Variants in CCNY observed in about 807,000 individuals in gnomAD.
CCNY encodes cyclin Y, also known as cyclin-Y.
In CCNY, 19 loss-of-function variants were observed where a neutral mutation model predicts 42.8. The ratio of observed to expected loss-of-function variants is 0.44; its 90% CI spans 0.31 to 0.65. The LOEUF (loss-of-function observed/expected upper bound fraction) is 0.65. Ranked by LOEUF, CCNY falls within the 30% of genes least tolerant of loss-of-function variation. The pLI is 0.07. For missense variants in CCNY, 370 were observed against 437.3 expected (o/e 0.85, Z 1.37); for synonymous variants, 165 against 162.7 (o/e 1.01, Z -0.11).
chr10:35,371,183 G>A (rs535426185), intron 1 of CCNY, among the ~76,000 whole-genome samples: 3 of 152,152 alleles, frequency 2.0e-5, no homozygotes, highest in Admixed American at 6.5e-5. Flanking sequence ...TAGTACCACC[G>A]CCCAGCCCAG....
intron 1 of CCNY, among the ~76,000 whole-genome samples, chr10:35,383,238 T>G (rs528580977): frequency 1.8e-4 from 28 of 152,278 alleles, no homozygotes; most frequent in African/African-American, 5.5e-4. Context: ...ATAATGACGT[T>G]GAATCAATAT....
chr10:35,306,280 C>G (rs1246216195), intron 3 of CCNY, among the ~76,000 whole-genome samples: 1 of 152,218 alleles, frequency 6.6e-6, no homozygotes, highest in Non-Finnish European at 1.5e-5. Context: ...AGTGATCCAC[C>G]TGCCTCAGCC....
chr10:35,294,828 A>C (rs1236031577), intron 3 of CCNY, among the ~76,000 whole-genome samples: 3 of 152,210 alleles, frequency 2.0e-5, no homozygotes, highest in Non-Finnish European at 4.4e-5. Context: ...ATTAATTACT[A>C]TTTAAGTGTT....
chr10:35,265,368 G>A (rs993365432), intron 3 of CCNY, among the ~76,000 whole-genome samples: 1 of 152,218 alleles, frequency 6.6e-6, no homozygotes, highest in African/African-American at 2.4e-5. Context: ...GAAGATTAGT[G>A]TTCTTTTTAA....
At chr10:35,523,510 C>T (rs1840590862) in intron 4 of CCNY, among the ~76,000 whole-genome samples, 1 of 152,156 alleles carries the variant, frequency 6.6e-6, no homozygotes, top group Non-Finnish European at 1.5e-5. Flanking sequence ...TGCCTGAACC[C>T]TCATCCTGGT....
At position 35,284,887 on chromosome 10, in the gene CCNY, A is replaced by G. The variant is rs1346761867; in HGVS notation, c.-9+34261A>G. Among the ~76,000 whole-genome samples, 4 of 152,232 alleles carry G rather than the reference A, an allele frequency of 2.6e-5. No homozygotes were observed. In the East Asian group the frequency reaches 7.7e-4, roughly 29 times the overall value. ...CTCTTTGATCCATGAACAATTTAGA[A>G]GTGTGTTGTTTAATTTCTAAGCATT... On this transcript the variant is annotated intron_variant, in intron 3 of 11. Transcript: ENST00000374706.
At chr10:35,296,465 C>T (rs1835472625) in intron 3 of CCNY, among the ~76,000 whole-genome samples, 1 of 152,040 alleles carries the variant, frequency 6.6e-6, no homozygotes, top group African/African-American at 2.4e-5. Context: ...CCTGTAATCC[C>T]AGTTACTTGG....
At chr10:35,430,336 CAAAAAAAAAAAA>C (rs397954370) in intron 1 of CCNY, among the ~76,000 whole-genome samples, 33 of 55,594 alleles carry the variant, frequency 5.9e-4, no homozygotes, top group African/African-American at 1.7e-3. Flanking sequence ...GACTCCGTCT[CAAAAAAAAAAAA>C]AAAAAAAAAA....
intron 3 of CCNY, among the ~76,000 whole-genome samples, chr10:35,313,975 C>CG (rs1363623690): frequency 6.5e-5 from 6 of 92,020 alleles, no homozygotes; most frequent in Non-Finnish European, 9.9e-5. Flanking sequence ...GAGTTCATCT[C>CG]GGAAAAAAAA....
intron 2 of CCNY, among the ~76,000 whole-genome samples, chr10:35,498,799 TAGG>T (rs957862138): frequency 6.6e-6 from 1 of 152,136 alleles, no homozygotes; most frequent in Non-Finnish European, 1.5e-5. Flanking sequence ...CCTCTTATGT[TAGG>T]AGGAGCATTA....
intron 3 of CCNY, among the ~76,000 whole-genome samples, chr10:35,263,217 C>A (rs866191603): frequency 2.0e-5 from 3 of 151,814 alleles, no homozygotes; most frequent in Admixed American, 1.3e-4. Flanking sequence ...ATTAGCCAGG[C>A]GTGGTGGCGG....
chr10:35,465,938 A>AGAGAGAGAGAGAGTGTGTGTGT, intron 1 of CCNY, among the ~76,000 whole-genome samples: 3 of 81,026 alleles, frequency 3.7e-5, no homozygotes, highest in South Asian at 5.1e-4. Context: ...AGAGAGAGAG[A>AGAGAGAGAGAGAGTGTGTGTGT]GTGTGTGTGT....
intron 3 of CCNY, among the ~76,000 whole-genome samples, chr10:35,262,606 T>C (rs1349982125): frequency 6.6e-6 from 1 of 151,988 alleles, no homozygotes; most frequent in Non-Finnish European, 1.5e-5. Flanking sequence ...ATGTGATGCA[T>C]CCACTTCGGC....
At chr10:35,528,210 T>A (rs11010218) in intron 5 of CCNY, among the ~76,000 whole-genome samples, 17 of 152,042 alleles carry the variant, frequency 1.1e-4, no homozygotes, top group African/African-American at 4.1e-4. Flanking sequence ...ACTCAGTAAA[T>A]AAGGTGAGGG....
chr10:35,268,072 G>A (rs1469800690), intron 3 of CCNY, among the ~76,000 whole-genome samples: 1 of 152,058 alleles, frequency 6.6e-6, no homozygotes, highest in Non-Finnish European at 1.5e-5. Context: ...TTATAAGCAT[G>A]CGCCACTACA....
upstream of CCNY, among the ~76,000 whole-genome samples, chr10:35,335,351 G>A (rs1430077890): frequency 6.6e-6 from 1 of 150,860 alleles, no homozygotes; most frequent in African/African-American, 2.5e-5. Context: ...AGCAAAGCAA[G>A]GGCAGTCGAT....
chr10:35,356,421 G>A (rs916485221), intron 1 of CCNY, among the ~76,000 whole-genome samples: 1 of 152,168 alleles, frequency 6.6e-6, no homozygotes, highest in Non-Finnish European at 1.5e-5. Context: ...ATTAACACAT[G>A]GTAAACAGCT....
chr10:35,534,873 G>A (rs1289035007), intron 7 of CCNY, among the ~76,000 whole-genome samples: 1 of 151,484 alleles, frequency 6.6e-6, no homozygotes, highest in African/African-American at 2.4e-5. Flanking sequence ...CTTAGCATAT[G>A]TTTTTGGGAT....
At position 35,257,046 on chromosome 10, in the gene CCNY, T is replaced by A. The variant is rs140976268; in HGVS notation, c.-9+6420T>A. 4.5e-3 allele frequency among the ~76,000 whole-genome samples: 691 copies of A among 152,284 alleles called. 6 individuals are homozygous for A. Among genetic ancestry groups the A allele is most frequent in the African/African-American group, 0.016 (664 of 41,558 alleles). ...AACCCTTGTTACAATAATACCACCT[T>A]GTATAATGGCCCATGTATTTACCTT... On this transcript the variant is annotated intron_variant, in intron 3 of 11. Coordinates refer to the CCNY transcript ENST00000374706.
Sources: gnomAD v4.1 joint callset for allele counts (sites outside exome capture counted in the v4.1 genomes callset) on GRCh38, gnomAD v4.1.1 for gene constraint, MANE v1.5 for transcripts, NCBI Gene and HGNC (gene_info 2026-07-23, HGNC 2026-07-21) for gene names.